The following SIPA1L1 variants were observed in gnomAD, a reference collection of about 807,000 sequenced individuals.
SIPA1L1 encodes the protein signal induced proliferation associated 1 like 1.
Under a neutral mutation model 162.7 loss-of-function variants are expected in SIPA1L1, and 26 were observed. The ratio of observed to expected loss-of-function variants is 0.16; its 90% CI spans 0.12 to 0.22. The LOEUF is 0.22. Ranked by LOEUF, SIPA1L1 falls within the 10% of genes least tolerant of loss-of-function variation. The pLI is 1.00. For missense variants in SIPA1L1, 1,874 were observed against 2,241.0 expected (o/e 0.84, Z 3.31); for synonymous variants, 829 against 837.4 (o/e 0.99, Z 0.17).
intron 5 of SIPA1L1, among the ~76,000 whole-genome samples, chr14:71,612,623 G>A (rs568558473): frequency 6.6e-6 from 1 of 152,146 alleles, no homozygotes; most frequent in Non-Finnish European, 1.5e-5. Flanking sequence ...CAGATACCAT[G>A]ATAACCAGTG....
chr14:71,443,550 T>G (rs991476703), intron 2 of SIPA1L1, among the ~76,000 whole-genome samples: 5 of 152,208 alleles, frequency 3.3e-5, no homozygotes, highest in Non-Finnish European at 7.3e-5. Flanking sequence ...TTTAATGTAC[T>G]TGAGATGACA....
At chr14:71,507,908 G>C (rs1419297709) in intron 2 of SIPA1L1, among the ~76,000 whole-genome samples, 2 of 152,176 alleles carry the variant, frequency 1.3e-5, no homozygotes, top group Non-Finnish European at 2.9e-5. Context: ...AGTGCCTGCA[G>C]GGGCCTGGCA....
intron 7 of SIPA1L1, among the ~76,000 whole-genome samples, chr14:71,642,085 C>T (rs1243526150): frequency 6.6e-6 from 1 of 152,202 alleles, no homozygotes; most frequent in Admixed American, 6.5e-5. Context: ...GTAAGAGGGA[C>T]TGCATTTAAC....
intron 5 of SIPA1L1, among the ~76,000 whole-genome samples, chr14:71,592,085 A>G (rs1370993721): frequency 2.6e-5 from 4 of 152,188 alleles, no homozygotes; most frequent in Non-Finnish European, 5.9e-5. Flanking sequence ...CCTAGGGATC[A>G]CCCACTAGAC....
intron 5 of SIPA1L1, among the ~76,000 whole-genome samples, chr14:71,613,850 C>T (rs531198214): frequency 5.2e-4 from 75 of 144,264 alleles, no homozygotes; most frequent in Admixed American, 8.0e-4. Flanking sequence ...ACATACTGCC[C>T]GGGGACTAGG....
chr14:71,680,443 T>G (rs1371430792), intron 12 of SIPA1L1, among the ~76,000 whole-genome samples: 1 of 152,124 alleles, frequency 6.6e-6, no homozygotes, highest in African/African-American at 2.4e-5. Flanking sequence ...AGAGGGAAAC[T>G]TATAGCACTA....
chr14:71,372,263 A>G (rs952168083), intron 2 of SIPA1L1, among the ~76,000 whole-genome samples: 3 of 152,160 alleles, frequency 2.0e-5, no homozygotes, highest in Non-Finnish European at 4.4e-5. Flanking sequence ...AGTTGCTATC[A>G]GTATGCATAG....
intron 7 of SIPA1L1, among the ~76,000 whole-genome samples, chr14:71,644,045 A>AT (rs766324252): frequency 2.0e-5 from 3 of 152,112 alleles, no homozygotes; most frequent in Non-Finnish European, 4.4e-5. Flanking sequence ...TGACCTTGTG[A>AT]TTTGCACACC....
At chr14:71,639,986 C>T (rs1366396437) in intron 7 of SIPA1L1, among the ~76,000 whole-genome samples, 1 of 152,148 alleles carries the variant, frequency 6.6e-6, no homozygotes, top group Non-Finnish European at 1.5e-5. Context: ...TTACTGCAAC[C>T]TCCGCCTCCC....
intron 16 of SIPA1L1, among the ~76,000 whole-genome samples, chr14:71,705,991 G>A (rs972944327): frequency 2.6e-5 from 4 of 151,940 alleles, no homozygotes; most frequent in African/African-American, 7.3e-5. Context: ...TCCTTGGTGT[G>A]TCTGTTCACT....
intron 7 of SIPA1L1, 55 bp downstream of exon 7, chr14:71,624,291 C>T (rs774210594): frequency 3.8e-5 from 54 of 1,412,968 alleles, no homozygotes; most frequent in South Asian, 2.1e-4. Flanking sequence ...GCTAGGCTTC[C>T]GGAATACAGA....
intron 2 of SIPA1L1, among the ~76,000 whole-genome samples, chr14:71,413,775 A>G (rs926904754): frequency 6.6e-6 from 1 of 152,236 alleles, no homozygotes; most frequent in African/African-American, 2.4e-5. Flanking sequence ...TGAGCTGCAC[A>G]TAAAGAGATT....
At chr14:71,591,320 TA>T (rs11322926) in intron 5 of SIPA1L1, among the ~76,000 whole-genome samples, 127,164 of 152,100 alleles carry the variant, frequency 0.84, 53,764 homozygotes, top group African/African-American at 0.95. Flanking sequence ...GCTTAAGTGA[TA>T]AGACTCTCAT....
chr14:71,395,817 A>G (rs1005752995), intron 2 of SIPA1L1, among the ~76,000 whole-genome samples: 7 of 152,240 alleles, frequency 4.6e-5, no homozygotes, highest in Non-Finnish European at 8.8e-5. Context: ...TATGAAAACT[A>G]TGCGCCAAGT....
chr14:71,698,835 C>T, intron 13 of SIPA1L1, 146 bp from the exon 14 acceptor site: 1 of 445,898 alleles, frequency 2.2e-6, no homozygotes, highest in Non-Finnish European at 3.2e-6. Context: ...GGGGAAGTTT[C>T]TTTTGTAGGC....
At chr14:71,523,834 T>G in intron 3 of SIPA1L1, among the ~76,000 whole-genome samples, 1 of 152,230 alleles carries the variant, frequency 6.6e-6, no homozygotes, top group East Asian at 1.9e-4. Context: ...GTTCCAGATG[T>G]GGCCTCTTCA....
At chr14:71,542,332 TTCC>T (rs1330657445) in intron 4 of SIPA1L1, among the ~76,000 whole-genome samples, 5 of 139,196 alleles carry the variant, frequency 3.6e-5, no homozygotes, top group South Asian at 5.1e-4. Flanking sequence ...CCTCTTCCTC[TTCC>T]TCCTCCTCCT....
intron 15 of SIPA1L1, 160 bp from the exon 16 acceptor site, chr14:71,705,062 A>T: frequency 1.6e-6 from 1 of 641,332 alleles, no homozygotes. Flanking sequence ...TAAGTTTCTG[A>T]CCTGCTGTCT....
intron 2 of SIPA1L1, among the ~76,000 whole-genome samples, chr14:71,473,417 G>T (rs1450472024): frequency 1.3e-5 from 2 of 152,126 alleles, no homozygotes; most frequent in African/African-American, 4.8e-5. Context: ...CCTGAGTTTA[G>T]AAATAGTTTC....
Sources: allele counts gnomAD v4.1 joint callset (sites outside exome capture counted in the v4.1 genomes callset), GRCh38; gene constraint gnomAD v4.1.1; transcripts MANE v1.5; gene names NCBI Gene and HGNC (gene_info 2026-07-23, HGNC 2026-07-21).